Variants in UVRAG observed in about 807,000 individuals in gnomAD.
The protein encoded by UVRAG is UV radiation resistance associated.
Under a neutral mutation model 78.0 loss-of-function variants are expected in UVRAG, and 19 were observed. The ratio of observed to expected loss-of-function variants is 0.24; its 90% CI spans 0.17 to 0.36. UVRAG has a LOEUF of 0.36. UVRAG is among the 10% of genes least tolerant of loss of function. UVRAG has a pLI of 1.00. For missense variants in UVRAG, 740 were observed against 853.8 expected (o/e 0.87, Z 1.66); for synonymous variants, 323 against 324.6 (o/e 1.00, Z 0.05).
chr11:75,924,763 A>G (rs1393588712), intron 6 of UVRAG, among the ~76,000 whole-genome samples: 1 of 152,166 alleles, frequency 6.6e-6, no homozygotes, highest in Non-Finnish European at 1.5e-5. Flanking sequence ...GATAGATCTC[A>G]TAGTCTTTAA....
intron 12 of UVRAG, among the ~76,000 whole-genome samples, chr11:76,035,372 A>G (rs959263926): frequency 3.3e-5 from 5 of 152,336 alleles, no homozygotes; most frequent in Middle Eastern, 3.4e-3. Context: ...AGCAATTTCT[A>G]TGAGAAAATG....
At chr11:76,007,474 A>T (rs1036171010) in intron 9 of UVRAG, 60 bp from the exon 10 acceptor site, 14 of 1,312,062 alleles carry the variant, frequency 1.1e-5, no homozygotes, top group East Asian at 4.7e-5. Context: ...GTGGAAATAA[A>T]TGTTACAAAG....
chr11:76,100,846 G>T (rs190461275), intron 13 of UVRAG, among the ~76,000 whole-genome samples: 1 of 152,092 alleles, frequency 6.6e-6, no homozygotes, highest in Non-Finnish European at 1.5e-5. Context: ...ACTTGCAAGT[G>T]AGAACATGTG....
intron 3 of UVRAG, among the ~76,000 whole-genome samples, chr11:75,866,485 T>C (rs1284341185): frequency 2.0e-5 from 3 of 151,890 alleles, no homozygotes; most frequent in Non-Finnish European, 4.4e-5. Context: ...GAATTTGAGA[T>C]TGTGGTGAAC....
rs1390145375 is a variant in UVRAG, at chr11:76,029,898, A to G, written c.1226+12918A>G. On this transcript the variant is annotated intron_variant, in intron 12 of 14. Transcript: ENST00000356136. Reference sequence around the variant, plus strand: ...TTAAGAAATTGTCACAGCCACTCCAACCTTCAGCAACCACCACCCTGATTA... The same window carrying G: ...TTAAGAAATTGTCACAGCCACTCCAGCCTTCAGCAACCACCACCCTGATTA... Among the ~76,000 whole-genome samples, 10 of 152,190 alleles carry G rather than the reference A, an allele frequency of 6.6e-5. No homozygotes were observed. The South Asian group carries it at 1.7e-3, about 25-fold the overall frequency.
At chr11:75,881,703 C>G (rs903241947) in intron 4 of UVRAG, among the ~76,000 whole-genome samples, 7 of 152,240 alleles carry the variant, frequency 4.6e-5, no homozygotes, top group Non-Finnish European at 7.3e-5. Flanking sequence ...AGGCATGAGC[C>G]ATGGCACCAG....
At chr11:75,935,607 C>T (rs1433744084) in intron 6 of UVRAG, among the ~76,000 whole-genome samples, 1 of 152,142 alleles carries the variant, frequency 6.6e-6, no homozygotes, top group Non-Finnish European at 1.5e-5. Flanking sequence ...GATACTGCTA[C>T]CTTAATACTC....
intron 12 of UVRAG, among the ~76,000 whole-genome samples, chr11:76,054,897 C>T (rs1360157573): frequency 6.6e-6 from 1 of 152,176 alleles, no homozygotes; most frequent in African/African-American, 2.4e-5. Context: ...ATAGTATTTG[C>T]TTTATTTGTC....
chr11:76,037,933 C>G (rs1000134371), intron 12 of UVRAG, among the ~76,000 whole-genome samples: 15 of 151,670 alleles, frequency 9.9e-5, no homozygotes, highest in Admixed American at 2.6e-4. Context: ...CAACCAGCCA[C>G]GGATAGAAAA....
chr11:76,023,874 G>A lies in UVRAG; in HGVS notation c.1226+6894G>A, dbSNP rs542713616. On this transcript the variant is annotated intron_variant, in intron 12 of 14. Transcript: ENST00000356136. ...TTCTTTTTAGATGTTTCCCTGGAGG[G>A]ATAGGTCTTTGGCTATATCTACTGT... 2.0e-5 allele frequency among the ~76,000 whole-genome samples: 3 copies of A among 152,228 alleles called. No homozygotes were observed. In the East Asian group the frequency reaches 5.8e-4, roughly 29 times the overall value.
At chr11:76,125,950 CTTT>C (rs71036075) in intron 14 of UVRAG, among the ~76,000 whole-genome samples, 1 of 137,660 alleles carries the variant, frequency 7.3e-6, no homozygotes. Flanking sequence ...CTGGCAGTCA[CTTT>C]TTTTTTTTTT....
rs1399930959 is a variant in UVRAG, at chr11:75,897,755, C to G, written c.507+8852C>G. On this transcript the variant is annotated intron_variant, in intron 5 of 14. Transcript: ENST00000356136. ...TCCAGGCTGGTCTCGAACTCCTGAC[C>G]TCAAGTGATCTGCCCACCTCGGCTT... Among the ~76,000 whole-genome samples the G allele has an allele frequency of 3.3e-5, 5 of 151,970 alleles. No individual in the cohort carries two copies. In the East Asian group the frequency reaches 9.7e-4, roughly 29 times the overall value.
At chr11:75,981,452 G>GT (rs371455744) in intron 7 of UVRAG, among the ~76,000 whole-genome samples, 15,440 of 146,664 alleles carry the variant, frequency 0.11, 1,755 homozygotes, top group African/African-American at 0.29. Flanking sequence ...TTTTCTTTTC[G>GT]TTTTTTTTTT....
Position 75,987,790 on chromosome 11 carries a change from A to G in UVRAG, c.826+4277A>G, listed in dbSNP as rs1244102490. On this transcript the variant is annotated intron_variant, in intron 8 of 14. Coordinates refer to ENST00000356136, the MANE Select transcript of UVRAG (RefSeq NM_003369.4). ...TCGCTCTTGTCTCCCAGACTGGAGT[A>G]AAATGGCGTGGTCTCGGCTCACTGC... Among the ~76,000 whole-genome samples, 9 of 151,704 alleles carry G rather than the reference A, an allele frequency of 5.9e-5. No individual in the cohort carries two copies. The East Asian group carries it at 1.4e-3, about 23-fold the overall frequency.
At chr11:75,899,502 A>T (rs1947436944) in intron 5 of UVRAG, among the ~76,000 whole-genome samples, 1 of 152,110 alleles carries the variant, frequency 6.6e-6, no homozygotes, top group Non-Finnish European at 1.5e-5. Flanking sequence ...AGTACCTTAG[A>T]AGAAGGCATT....
At chr11:75,934,352 G>A (rs1004724063) in intron 6 of UVRAG, among the ~76,000 whole-genome samples, 1 of 152,102 alleles carries the variant, frequency 6.6e-6, no homozygotes, top group African/African-American at 2.4e-5. Context: ...GGGAAGGGTA[G>A]TAAAATAGGA....
At chr11:76,066,593 C>T (rs1565145951) in intron 13 of UVRAG, among the ~76,000 whole-genome samples, 1 of 152,148 alleles carries the variant, frequency 6.6e-6, no homozygotes, top group Non-Finnish European at 1.5e-5. Context: ...TTGCCTCAGC[C>T]TCCCAAGTAG....
At chr11:75,987,356 C>T (rs930961195) in intron 8 of UVRAG, among the ~76,000 whole-genome samples, 3 of 152,176 alleles carry the variant, frequency 2.0e-5, no homozygotes, top group Non-Finnish European at 4.4e-5. Context: ...GACTTACATG[C>T]TTCTTACACC....
At chr11:75,990,139 C>T (rs1050168595) in intron 8 of UVRAG, among the ~76,000 whole-genome samples, 1 of 152,166 alleles carries the variant, frequency 6.6e-6, no homozygotes, top group South Asian at 2.1e-4. Flanking sequence ...GTATAGTTTA[C>T]ATTACAAAGA....
Sources: gnomAD v4.1 joint callset for allele counts (sites outside exome capture counted in the v4.1 genomes callset) on GRCh38, gnomAD v4.1.1 for gene constraint, MANE v1.5 for transcripts, NCBI Gene and HGNC (gene_info 2026-07-23, HGNC 2026-07-21) for gene names.